EFR3A: variants seen among roughly 807,000 people sequenced by gnomAD.
EFR3A encodes protein EFR3 homolog A.
EFR3A carries 76 observed loss-of-function variants against 104.4 expected under a neutral mutation model. The observed-to-expected ratio is 0.73, with a 90% CI of 0.60 to 0.88. The LOEUF (loss-of-function observed/expected upper bound fraction) is 0.88. Ranked by LOEUF, EFR3A falls within the 40% of genes least tolerant of loss-of-function variation. The pLI, the probability that EFR3A is intolerant of heterozygous loss-of-function variation, is 0.00. For missense variants in EFR3A, 985 were observed against 1,012.5 expected (o/e 0.97, Z 0.37); for synonymous variants, 330 against 330.0 (o/e 1.00, Z 0.00).
chr8:131,944,992 A>G, intron 3 of EFR3A, 120 bp downstream of exon 3: 1 of 1,113,338 alleles, frequency 9.0e-7, no homozygotes. Context: ...AGGATAAAAC[A>G]TTGTAATATT....
chr8:131,918,675 T>A (rs997424669), intron 1 of EFR3A, among the ~76,000 whole-genome samples: 1 of 152,226 alleles, frequency 6.6e-6, no homozygotes, highest in African/African-American at 2.4e-5. Flanking sequence ...ACATATGGCA[T>A]AGATGCTGTG....
At chr8:132,003,887 A>G (rs540448343) in intron 22 of EFR3A, among the ~76,000 whole-genome samples, 1 of 152,304 alleles carries the variant, frequency 6.6e-6, no homozygotes, top group East Asian at 1.9e-4. Flanking sequence ...ACATAGTCTT[A>G]CATTGACTTC....
At chr8:131,959,174 G>A (rs965481544) in intron 7 of EFR3A, among the ~76,000 whole-genome samples, 3 of 152,132 alleles carry the variant, frequency 2.0e-5, no homozygotes, top group Non-Finnish European at 2.9e-5. Flanking sequence ...TTTTGATACA[G>A]TAGGTGAGAA....
intron 8 of EFR3A, 78 bp downstream of exon 8, chr8:131,959,741 T>G (rs2130647263): frequency 1.1e-6 from 1 of 914,964 alleles, no homozygotes; most frequent in East Asian, 2.6e-5. Context: ...ATCAAACAGA[T>G]GTGGGAAGCT....
rs1586502695 is a variant in EFR3A, at chr8:131,904,262, T to C, written c.-51T>C. 7.8e-7 allele frequency: 1 copy of C among 1,281,778 alleles called. No individual in the cohort carries two copies. The highest frequency in any genetic ancestry group is 2.5e-5 in the South Asian group (1 of 40,216). 79.4% of individuals were successfully genotyped at this position (1,281,778 alleles called of 1,614,324 possible). On this transcript the variant is annotated 5_prime_UTR_variant, in exon 1 of 23. Transcript: ENST00000254624. ...CCGTCATGGTGCCGTCGGCGCTCCC[T>C]GCGCGGCCCCGCTGAGCCTCGGTGC...
chr8:131,925,682 C>G (rs1183224626), intron 1 of EFR3A, among the ~76,000 whole-genome samples: 1 of 151,922 alleles, frequency 6.6e-6, no homozygotes, highest in African/African-American at 2.4e-5. Flanking sequence ...TCTTCTCTCC[C>G]TGAAGACCTG....
At chr8:131,965,275 AGGCAACCTACAGAATGGGAGAAAATTT>A (rs1819636618) in intron 8 of EFR3A, among the ~76,000 whole-genome samples, 1 of 152,232 alleles carries the variant, frequency 6.6e-6, no homozygotes. Context: ...CAGAGTCAAC[AGGCAACCTACAGAATGGGAGAAAATTT>A]TTGCAATCTA....
chr8:131,933,043 C>A (rs1817690869), intron 1 of EFR3A, among the ~76,000 whole-genome samples: 1 of 151,998 alleles, frequency 6.6e-6, no homozygotes, highest in Admixed American at 6.6e-5. Flanking sequence ...AGAAGAAAGT[C>A]ACTGCTTACA....
At chr8:131,981,080 G>A (rs537284042) in intron 14 of EFR3A, among the ~76,000 whole-genome samples, 3 of 150,036 alleles carry the variant, frequency 2.0e-5, no homozygotes, top group Non-Finnish European at 4.4e-5. Context: ...TTCATCTGTT[G>A]ATGGACACTT....
At chr8:131,911,047 C>T (rs1157054851) in intron 1 of EFR3A, among the ~76,000 whole-genome samples, 1 of 151,934 alleles carries the variant, frequency 6.6e-6, no homozygotes, top group East Asian at 1.9e-4. Context: ...TTTTGAGAAT[C>T]TGATGAAAGC....
intron 1 of EFR3A, among the ~76,000 whole-genome samples, chr8:131,916,758 G>A (rs569301233): frequency 2.0e-4 from 31 of 152,276 alleles, no homozygotes; most frequent in African/African-American, 7.5e-4. Context: ...ATTTTTAGTA[G>A]CATTTGAATA....
chr8:131,990,453 A>G (rs564039884), intron 18 of EFR3A, among the ~76,000 whole-genome samples: 1 of 152,294 alleles, frequency 6.6e-6, no homozygotes, highest in African/African-American at 2.4e-5. Context: ...TGGTAGTAAC[A>G]CATGTGTGAA....
intron 22 of EFR3A, among the ~76,000 whole-genome samples, chr8:132,003,606 A>G (rs2130808625): frequency 6.6e-6 from 1 of 152,290 alleles, no homozygotes; most frequent in Admixed American, 6.5e-5. Context: ...CTTAATTAGG[A>G]AATTGCTCAT....
In EFR3A at chr8:131,979,029, C is replaced by A; in HGVS notation, c.1499+10C>A. On this transcript the variant is annotated intron_variant, in intron 13 of 22. Transcript: ENST00000254624. ...AGCTTCGAGGGATCAGGTAATGTGC[C>A]ATTTTGAAATGGATCTAATGATAAT... 6.3e-7 allele frequency: 1 copy of A among 1,590,832 alleles called. No homozygotes were observed. Among genetic ancestry groups the A allele is most frequent in the South Asian group, 1.2e-5 (1 of 85,558 alleles).
chr8:131,969,468 C>A (rs939659827), intron 9 of EFR3A, among the ~76,000 whole-genome samples: 1 of 151,524 alleles, frequency 6.6e-6, no homozygotes, highest in African/African-American at 2.4e-5. Context: ...ATACCTAATG[C>A]AGTGTAAATG....
intron 18 of EFR3A, among the ~76,000 whole-genome samples, chr8:131,995,606 G>A (rs946461294): frequency 6.6e-6 from 1 of 152,184 alleles, no homozygotes; most frequent in African/African-American, 2.4e-5. Context: ...GCTAGGAATA[G>A]CTTTTGAATT....
chr8:131,944,481 T>C (rs1282853483), intron 2 of EFR3A, among the ~76,000 whole-genome samples: 1 of 152,116 alleles, frequency 6.6e-6, no homozygotes, highest in Non-Finnish European at 1.5e-5. Flanking sequence ...TACAGATAAT[T>C]GAGCTATGTC....
chr8:131,991,993 G>A (rs570595027), intron 18 of EFR3A, among the ~76,000 whole-genome samples: 3 of 152,008 alleles, frequency 2.0e-5, no homozygotes, highest in Non-Finnish European at 2.9e-5. Context: ...TGATTTTGCC[G>A]CTCAGTGACC....
At chr8:131,930,961 A>G (rs556658922) in intron 1 of EFR3A, among the ~76,000 whole-genome samples, 1 of 152,320 alleles carries the variant, frequency 6.6e-6, no homozygotes, top group East Asian at 1.9e-4. Context: ...GAATACCTGA[A>G]GTACACAATA....
Sources: gnomAD v4.1 joint callset for allele counts (sites outside exome capture counted in the v4.1 genomes callset) on GRCh38, gnomAD v4.1.1 for gene constraint, MANE v1.5 for transcripts, NCBI Gene and HGNC (gene_info 2026-07-23, HGNC 2026-07-21) for gene names.